OLAH: variants seen among roughly 807,000 people sequenced by gnomAD.
The protein encoded by OLAH is oleoyl-ACP hydrolase.
OLAH carries 33 observed loss-of-function variants against 27.8 expected under a neutral mutation model. That is an observed-to-expected ratio of 1.19 (90% CI 0.90 to 1.59). OLAH has a LOEUF of 1.59. Among genes scored for constraint, OLAH ranks in the 40% most tolerant of loss-of-function variants. The pLI is 0.00. For missense variants in OLAH, 359 were observed against 310.8 expected, an observed-to-expected ratio of 1.16 and a Z score of -1.17; for synonymous variants, 120 against 102.9, an observed-to-expected ratio of 1.17 and a Z score of -1.01.
intron 6 of OLAH, among the ~76,000 whole-genome samples, chr10:15,067,175 A>T (rs1844485227): frequency 6.6e-6 from 1 of 152,250 alleles, no homozygotes; most frequent in South Asian, 2.1e-4. Flanking sequence ...ACAAAATTGA[A>T]AAAACTGAGA....
At position 15,035,027 on chromosome 10, in the gene OLAH, C is replaced by T. The variant is rs1843820884; in HGVS notation, c.-164+2677C>T. Among the ~76,000 whole-genome samples the T allele has an allele frequency of 4.6e-5, 7 of 152,176 alleles. No homozygotes were observed. In the South Asian group the frequency reaches 1.5e-3, roughly 32 times the overall value. On this transcript the variant is annotated intron_variant, in intron 1 of 3. Coordinates refer to the OLAH transcript ENST00000413672. Reference sequence around the variant, plus strand: ...ATGTTGGCCAGGCTGGTCACGAACTCCTGACGTCGTGATCCGCCCACCTCG... The same window carrying T: ...ATGTTGGCCAGGCTGGTCACGAACTTCTGACGTCGTGATCCGCCCACCTCG...
At chr10:15,054,934 GT>G (rs1844217897) in intron 3 of OLAH, among the ~76,000 whole-genome samples, 1 of 151,844 alleles carries the variant, frequency 6.6e-6, no homozygotes, top group African/African-American at 2.4e-5. Context: ...GTGTTGTGCT[GT>G]TTTTTTCTGC....
chr10:15,064,416 A>G lies in OLAH; in HGVS notation c.316A>G (p.Ile106Val), dbSNP rs372311875. The G allele has an allele frequency of 4.4e-6, 7 of 1,595,350 alleles. No individual in the cohort carries two copies. The highest frequency in any genetic ancestry group is 1.8e-5 in the Admixed American group (1 of 56,000). ...TGCTGAATTTAGTATGGGATCCTAC[A>G]TTGCTTTTAGGACTGCACTAGGTCT... ...AFFGHSMGSY[I>V]AFRTALGLKE... The change falls in exon 5 of 8, where the codon ATT becomes GTT. Residue 106 changes from isoleucine (I) to valine (V), a missense_variant. By Grantham distance (29) the Ile-to-Val change is conservative (BLOSUM62 3). Transcript: ENST00000378228.
intron 1 of OLAH, among the ~76,000 whole-genome samples, chr10:15,044,845 T>G (rs1446561276): frequency 6.6e-6 from 1 of 152,168 alleles, no homozygotes; most frequent in African/African-American, 2.4e-5. Flanking sequence ...TTTTCTTCTG[T>G]GTTTCTTGGT....
At chr10:15,037,867 T>A (rs2131327546) in intron 1 of OLAH, among the ~76,000 whole-genome samples, 1 of 152,350 alleles carries the variant, frequency 6.6e-6, no homozygotes, top group Middle Eastern at 3.4e-3. Context: ...CAGCCAGGAA[T>A]AAGAATAGCC....
intron 1 of OLAH, among the ~76,000 whole-genome samples, chr10:15,044,931 A>T (rs1349559906): frequency 6.6e-6 from 1 of 152,160 alleles, no homozygotes; most frequent in Non-Finnish European, 1.5e-5. Context: ...TTTGCTGGGC[A>T]TGTTTTATCT....
rs537617607 is a variant in OLAH, at chr10:15,064,249, C to G, written c.303-154C>G. 5.3e-4 allele frequency among the ~76,000 whole-genome samples: 80 copies of G among 152,286 alleles called. 1 individual carries two copies. Among genetic ancestry groups the G allele is most frequent in the Admixed American group, 4.0e-3 (61 of 15,300 alleles). ...AAACAGTTTTTATGCTGATTTAAAT[C>G]ACTGAAAAGATAGACTTCTTAATCA... On this transcript the variant is annotated intron_variant, in intron 4 of 7. Coordinates refer to ENST00000378228, the MANE Select transcript of OLAH (RefSeq NM_001039702.3).
intron 4 of OLAH, among the ~76,000 whole-genome samples, chr10:15,063,881 A>G (rs951496543): frequency 6.6e-6 from 1 of 152,246 alleles, no homozygotes; most frequent in Non-Finnish European, 1.5e-5. Context: ...AATGTCTGAC[A>G]TAATAGAAGG....
chr10:15,033,919 A>G (rs898334715), intron 1 of OLAH, among the ~76,000 whole-genome samples: 6 of 152,118 alleles, frequency 3.9e-5, no homozygotes, highest in Non-Finnish European at 8.8e-5. Context: ...GTTTTGAAGG[A>G]GACAAATGTT....
At chr10:15,070,844 G>A (rs958881627) in intron 6 of OLAH, among the ~76,000 whole-genome samples, 3 of 147,084 alleles carry the variant, frequency 2.0e-5, no homozygotes, top group African/African-American at 7.6e-5. Context: ...GGAGTGCAAT[G>A]GTGCAATCAC....
At chr10:15,047,938 G>A (rs1367591798) in intron 2 of OLAH, among the ~76,000 whole-genome samples, 1 of 152,128 alleles carries the variant, frequency 6.6e-6, no homozygotes, top group Non-Finnish European at 1.5e-5. Context: ...AAAGATATCA[G>A]TTGGTGTTAG....
intron 1 of OLAH, among the ~76,000 whole-genome samples, chr10:15,038,165 C>T (rs1048389845): frequency 6.6e-6 from 1 of 152,228 alleles, no homozygotes; most frequent in African/African-American, 2.4e-5. Context: ...GCCAATTTCT[C>T]CCATTTGGAA....
intron 6 of OLAH, among the ~76,000 whole-genome samples, chr10:15,070,780 C>CTTTT (rs71390010): frequency 5.0e-5 from 5 of 99,936 alleles, no homozygotes; most frequent in South Asian, 3.3e-4. Context: ...CACGCCTGAA[C>CTTTT]TTTTTTTTTT....
intron 1 of OLAH, among the ~76,000 whole-genome samples, chr10:15,046,384 C>T (rs1238284848): frequency 6.6e-6 from 1 of 151,956 alleles, no homozygotes; most frequent in African/African-American, 2.4e-5. Flanking sequence ...TTTTTCTTCT[C>T]TTTTCTGAAT....
chr10:15,042,249 T>G (rs1843932873), upstream of OLAH, among the ~76,000 whole-genome samples: 1 of 152,036 alleles, frequency 6.6e-6, no homozygotes, highest in Non-Finnish European at 1.5e-5. Context: ...CCTCCCCGGT[T>G]CAAGCGATTC....
Position 15,047,893 on chromosome 10 carries a change from A to G in OLAH, c.32+573A>G, listed in dbSNP as rs142472500. 6.0e-3 allele frequency among the ~76,000 whole-genome samples: 908 copies of G among 152,320 alleles called. 5 individuals are homozygous for G. The highest frequency in any genetic ancestry group is 0.031 in the South Asian group (151 of 4,826). ...GTTCTGAATTATTTTGTTATGAAGA[A>G]CAAAGTACCCTTTACAGAACACAAG... is the stretch of plus-strand genomic sequence containing the variant. On this transcript the variant is annotated intron_variant, in intron 2 of 7. Transcript: ENST00000378228.
In OLAH at chr10:15,064,624, T is replaced by C. The variant is rs1294257529; in HGVS notation, c.402+122T>C. 6.0e-5 allele frequency: 36 copies of C among 595,292 alleles called. No homozygotes were observed. In the East Asian group the frequency reaches 1.1e-3, roughly 19 times the overall value. The allele number at this position is 595,292 out of a possible 1,614,324, so 36.9% of individuals were successfully genotyped here. On this transcript the variant is annotated intron_variant, in intron 5 of 7. Transcript: ENST00000378228. ...AGTATGATGATGATGGTGGGGATAC[T>C]AATAGGTTGGTGCAAAAGCCATTGA...
At chr10:15,034,948 C>T (rs377434955) in intron 1 of OLAH, among the ~76,000 whole-genome samples, 13 of 152,008 alleles carry the variant, frequency 8.6e-5, no homozygotes, top group East Asian at 7.8e-4. Context: ...ATTACAGGTG[C>T]GCACCACCAC....
At chr10:15,043,068 G>C (rs571674173), upstream of OLAH, among the ~76,000 whole-genome samples, 7 of 151,828 alleles carry the variant, frequency 4.6e-5, no homozygotes, top group Non-Finnish European at 8.8e-5. Context: ...CACCATGTTA[G>C]CCAGGGTGGT....
Sources: gnomAD v4.1 joint callset for allele counts (sites outside exome capture counted in the v4.1 genomes callset) on GRCh38, gnomAD v4.1.1 for gene constraint, MANE v1.5 for transcripts, NCBI Gene and HGNC (gene_info 2026-07-23, HGNC 2026-07-21) for gene names.